The following CACNA2D4 variants were observed in gnomAD, a reference collection of about 807,000 sequenced individuals.
CACNA2D4 encodes the protein calcium voltage-gated channel auxiliary subunit alpha2delta 4, also known as voltage-dependent calcium channel subunit alpha-2/delta-4.
A neutral mutation model predicts 163.8 loss-of-function variants in CACNA2D4; 157 were observed. The observed-to-expected ratio is 0.96, with a 90% CI of 0.84 to 1.09. The LOEUF (loss-of-function observed/expected upper bound fraction) is 1.09, where lower values mean the gene tolerates loss of function less well. CACNA2D4 is among the 50% of genes least tolerant of loss of function. The pLI, the probability that CACNA2D4 is intolerant of heterozygous loss-of-function variation, is 0.00. For missense variants in CACNA2D4, 1,410 were observed against 1,479.9 expected (o/e 0.95, Z 0.78); for synonymous variants, 598 against 586.9 (o/e 1.02, Z -0.27).
chr12:1,811,646 C>T lies in CACNA2D4; in HGVS notation c.2613+16G>A, dbSNP rs1202049698. The T allele has an allele frequency of 5.8e-6, 9 of 1,558,088 alleles. No homozygotes were observed. The highest frequency in any genetic ancestry group is 7.8e-6 in the Non-Finnish European group (9 of 1,150,506). On this transcript the variant is annotated intron_variant, in intron 27 of 37. Coordinates refer to ENST00000382722, the MANE Select transcript of CACNA2D4 (RefSeq NM_172364.5). The stretch of plus-strand genomic sequence containing the variant: ...GGTGAGTCCCCAGCCCCGACCTGGC[C>T]CGACATCACACCTACCTGCCGCGTT...
chr12:1,896,606 AAC>A (rs61535168), intron 6 of CACNA2D4, among the ~76,000 whole-genome samples: 5,782 of 130,582 alleles, frequency 0.044, 195 homozygotes, highest in African/African-American at 0.1. Flanking sequence ...GCTATTAATA[AAC>A]ACACACACAC....
Position 1,911,012 on chromosome 12 carries a change from C to T in CACNA2D4, c.427-1047G>A, listed in dbSNP as rs1033997419. ...CAACTTTATGTCACCTGTATTTTAC[C>T]GCAATACAATTTTTTTTTTTTTTTT... On this transcript the variant is annotated intron_variant, in intron 3 of 37. Coordinates refer to ENST00000382722, the MANE Select transcript of CACNA2D4 (RefSeq NM_172364.5). Among the ~76,000 whole-genome samples, 10 of 148,924 alleles carry T rather than the reference C, an allele frequency of 6.7e-5. No homozygotes were observed. The South Asian group carries it at 8.5e-4, about 13-fold the overall frequency.
intron 35 of CACNA2D4, among the ~76,000 whole-genome samples, chr12:1,796,244 GAGTGGGGCGGAGCCCGCCCGCCAGGCC>G (rs1592644401): frequency 6.6e-6 from 1 of 152,204 alleles, no homozygotes; most frequent in East Asian, 1.9e-4. Context: ...GAGTGGCGCG[GAGTGGGGCGGAGCCCGCCCGCCAGGCC>G]CACGGCCTTC....
At chr12:1,889,096 T>C (rs1866219096) in intron 6 of CACNA2D4, among the ~76,000 whole-genome samples, 1 of 152,232 alleles carries the variant, frequency 6.6e-6, no homozygotes, top group African/African-American at 2.4e-5. Context: ...GTTGAGAGAA[T>C]AGAATTATTG....
intron 6 of CACNA2D4, among the ~76,000 whole-genome samples, chr12:1,900,958 A>G (rs1306369772): frequency 2.0e-5 from 3 of 152,234 alleles, no homozygotes; most frequent in Non-Finnish European, 4.4e-5. Context: ...CCAGAAAATA[A>G]GTCTTAAAAC....
rs1035504722 is a variant in CACNA2D4 at position 1,874,228 on chromosome 12, T to C, written c.1878+376A>G. Among the ~76,000 whole-genome samples, 2 of 152,240 alleles carry C rather than the reference T, an allele frequency of 1.3e-5. No homozygotes were observed. Among genetic ancestry groups the C allele is most frequent in the African/African-American group, 4.8e-5 (2 of 41,462 alleles). On this transcript the variant is annotated intron_variant, in intron 18 of 37. Transcript: ENST00000382722. This position sits in a 1 kb window ranked among gnomAD's most constrained non-coding sequence, Gnocchi z 4.4. ...GTGAATATTTCAATCTCTTCCTGTA[T>C]AACACTTCACAAGAGCTGCTTACCA...
intron 26 of CACNA2D4, among the ~76,000 whole-genome samples, chr12:1,818,580 GTTAAA>G (rs1863965690): frequency 6.6e-6 from 1 of 151,144 alleles, no homozygotes; most frequent in South Asian, 2.1e-4. Flanking sequence ...CAGCATGCTC[GTTAAA>G]AGTCATCACC....
intron 26 of CACNA2D4, among the ~76,000 whole-genome samples, chr12:1,812,624 G>T (rs1276894220): frequency 2.0e-5 from 3 of 152,372 alleles, no homozygotes; most frequent in Non-Finnish European, 4.4e-5. Flanking sequence ...GAATCCCACA[G>T]CAGGCCAGTC....
intron 26 of CACNA2D4, among the ~76,000 whole-genome samples, chr12:1,825,204 T>G (rs1169774636): frequency 6.6e-6 from 1 of 152,134 alleles, no homozygotes; most frequent in African/African-American, 2.4e-5. Context: ...GCTGGTTAAC[T>G]CCTGGGCTCA....
chr12:1,914,259 G>A lies in CACNA2D4; in HGVS notation c.309+595C>T, dbSNP rs116867106. Among the ~76,000 whole-genome samples the A allele has an allele frequency of 2.7e-3, 416 of 152,326 alleles. 8 individuals are homozygous for A. Among genetic ancestry groups the A allele is most frequent in the East Asian group, 0.016 (84 of 5,194 alleles). On this transcript the variant is annotated intron_variant, in intron 2 of 37. Transcript: ENST00000382722. ...GAGTGGCAATGATAGAGAAGGGTGA[G>A]CTGCCATTGGAACTGCTCTGGGGAG...
chr12:1,844,390 G>A lies in CACNA2D4; in HGVS notation c.2470+12C>T, dbSNP rs769265675. 8.0e-5 allele frequency: 129 copies of A among 1,612,790 alleles called. 1 individual carries two copies. The highest frequency in any genetic ancestry group is 1.1e-4 in the Non-Finnish European group (125 of 1,179,530). On this transcript the variant is annotated intron_variant, in intron 25 of 37. Transcript: ENST00000382722. The surrounding 1 kb of genome is among the most constrained non-coding windows in gnomAD (Gnocchi z 4.2). ...ACTGGCCCAGCCCCGGGAGCACCGG[G>A]CTGTGTGTTACCTGGTCCTTCTGCC...
chr12:1,797,778 G>T (rs1863179873), intron 34 of CACNA2D4: 1 of 571,090 alleles, frequency 1.8e-6, no homozygotes, highest in Non-Finnish European at 3.1e-6. Context: ...TCGGTGGAGG[G>T]AAAGCGCTTC....
chr12:1,914,755 A>T (rs1866921714), intron 2 of CACNA2D4, 99 bp downstream of exon 2: 1 of 772,992 alleles, frequency 1.3e-6, no homozygotes, highest in Non-Finnish European at 2.3e-6. Flanking sequence ...AACCGATTTG[A>T]TGGGATGCCC....
intron 1 of CACNA2D4, 37 bp from the exon 2 acceptor site, chr12:1,914,972 G>A (rs777228355): frequency 1.9e-5 from 28 of 1,445,714 alleles, no homozygotes; most frequent in East Asian, 6.8e-5. Flanking sequence ...ATACACACAC[G>A]TACACGCACA....
At chr12:1,882,756 TA>T in intron 13 of CACNA2D4, 110 bp downstream of exon 13, 1 of 1,127,672 alleles carries the variant, frequency 8.9e-7, no homozygotes, top group Non-Finnish European at 1.3e-6. Context: ...TAATGTTCCC[TA>T]AGGAGGTGCT....
At position 1,878,319 on chromosome 12, in the gene CACNA2D4, G is replaced by T; in HGVS notation, c.1715C>A (p.Pro572His). ...GYILSHPDLR[P>H]LYREGKKLKP... Reference sequence around the variant, plus strand: ...GCAAAGAAGATCTGTACCTACCAGGGGCCGGAGGTCGGGATGGGAGAGGAT... The same window carrying T: ...GCAAAGAAGATCTGTACCTACCAGGTGCCGGAGGTCGGGATGGGAGAGGAT... The change falls in exon 16 of 38, where the codon CCC (proline) becomes CAC (histidine). Residue 572 changes from proline (P) to histidine (H), a missense_variant. Coordinates refer to ENST00000382722, the MANE Select transcript of CACNA2D4 (RefSeq NM_172364.5). The surrounding 1 kb of genome is among the most constrained non-coding windows in gnomAD (Gnocchi z 4.6). 1 of 1,608,984 alleles carries T rather than the reference G, an allele frequency of 6.2e-7. No homozygotes were observed. The highest frequency in any genetic ancestry group is 8.5e-7 in the Non-Finnish European group (1 of 1,177,960).
intron 3 of CACNA2D4, among the ~76,000 whole-genome samples, chr12:1,910,948 G>A (rs1866797971): frequency 6.6e-6 from 1 of 152,074 alleles, no homozygotes; most frequent in African/African-American, 2.4e-5. Flanking sequence ...CAACATTGTG[G>A]ATGTACTTAA....
chr12:1,886,875 G>A (rs1325040185), intron 7 of CACNA2D4, 134 bp downstream of exon 7: 25 of 622,394 alleles, frequency 4.0e-5, no homozygotes, highest in South Asian at 2.2e-4. Flanking sequence ...CTCTTGTGTC[G>A]GGCTAGGGTT....
rs753550788 is a variant in CACNA2D4 at position 1,909,905 on chromosome 12, C to T, written c.486+1G>A. ...GCACCAGTGCCAGGAGTGGGACTCA[C>T]CACCAGGGATTCATTGAATTCGTGG... is the stretch of plus-strand genomic sequence containing the variant. On this transcript the variant is annotated splice_donor_variant, in intron 4 of 37. Transcript: ENST00000382722. LOFTEE classifies it high-confidence loss of function. 21 of 1,613,414 alleles carry T rather than the reference C, an allele frequency of 1.3e-5. No individual in the cohort carries two copies. Among genetic ancestry groups the T allele is most frequent in the Admixed American group, 8.3e-5 (5 of 59,984 alleles).
Sources: allele counts gnomAD v4.1 joint callset (sites outside exome capture counted in the v4.1 genomes callset), GRCh38; gene constraint gnomAD v4.1.1; non-coding constraint Gnocchi (gnomAD v3.1); transcripts MANE v1.5; gene names NCBI Gene and HGNC (gene_info 2026-07-23, HGNC 2026-07-21).